ST6GAL1: variants seen among roughly 807,000 people sequenced by gnomAD.
The protein encoded by ST6GAL1 is ST6 beta-galactoside alpha-2,6-sialyltransferase 1, also known as beta-galactoside alpha-2,6-sialyltransferase 1.
Under a neutral mutation model 38.0 loss-of-function variants are expected in ST6GAL1, and 20 were observed. The observed-to-expected ratio is 0.53, with a 90% CI of 0.37 to 0.77. The LOEUF (loss-of-function observed/expected upper bound fraction) is 0.77, where lower values mean the gene tolerates loss of function less well. ST6GAL1 is among the 30% of genes least tolerant of loss of function. The pLI is 0.00. For synonymous variants in ST6GAL1, 196 were observed against 188.2 expected (o/e 1.04, Z -0.34); for missense variants, 432 against 496.4 (o/e 0.87, Z 1.23).
chr3:187,051,330 GC>G lies in ST6GAL1; in HGVS notation c.691del (p.Leu231Ter). The G allele has an allele frequency of 6.2e-7, 1 of 1,614,046 alleles. No homozygotes were observed. Among genetic ancestry groups the G allele is most frequent in the Non-Finnish European group, 8.5e-7 (1 of 1,179,940 alleles). ...GATGTGGGCACAAAAACTACCATTC[GC>G]CTGATGAACTCTCAGGTAAAATTTC... The part of the protein sequence containing the change: ...QQDVGTKTTI[R>X]LMNSQLVTTE... On this transcript the variant is annotated frameshift_variant, in exon 5 of 8. Coordinates refer to ENST00000169298, the MANE Select transcript of ST6GAL1 (RefSeq NM_173216.2). LOFTEE classifies it high-confidence loss of function.
chr3:187,040,743 C>A (rs1718096528), intron 3 of ST6GAL1, among the ~76,000 whole-genome samples: 1 of 152,172 alleles, frequency 6.6e-6, no homozygotes, highest in South Asian at 2.1e-4. Flanking sequence ...TCCTTAGTTT[C>A]TGGTAATACA....
At chr3:187,049,848 C>T (rs527905287) in intron 4 of ST6GAL1, among the ~76,000 whole-genome samples, 3 of 152,322 alleles carry the variant, frequency 2.0e-5, no homozygotes, top group South Asian at 4.1e-4. Context: ...TAATCCCTTT[C>T]GAACCAGTGA....
chr3:187,064,503 T>TC, intron 5 of ST6GAL1: 1 of 456,506 alleles, frequency 2.2e-6, no homozygotes, highest in Non-Finnish European at 4.4e-6. Flanking sequence ...CAGATTTTTT[T>TC]CCCATTACAC....
At chr3:186,985,619 A>G (rs1715889066) in intron 2 of ST6GAL1, among the ~76,000 whole-genome samples, 1 of 151,608 alleles carries the variant, frequency 6.6e-6, no homozygotes, top group Non-Finnish European at 1.5e-5. Flanking sequence ...AAAAAAAAAA[A>G]AAAAAATTAG....
chr3:186,975,558 T>C (rs976768104), intron 2 of ST6GAL1, among the ~76,000 whole-genome samples: 3 of 152,182 alleles, frequency 2.0e-5, no homozygotes, highest in African/African-American at 7.2e-5. Flanking sequence ...TCAACCAGTC[T>C]CCCTCTGCCT....
intron 5 of ST6GAL1, among the ~76,000 whole-genome samples, chr3:187,070,225 G>T (rs1719313823): frequency 6.6e-6 from 1 of 152,052 alleles, no homozygotes; most frequent in Non-Finnish European, 1.5e-5. Flanking sequence ...ATTTTAGGTT[G>T]CCATGTGCAA....
At chr3:186,946,235 C>G (rs1266831513) in intron 1 of ST6GAL1, among the ~76,000 whole-genome samples, 2 of 151,630 alleles carry the variant, frequency 1.3e-5, no homozygotes, top group Non-Finnish European at 2.9e-5. Flanking sequence ...GTGGCTTGAA[C>G]CCAGGAAGCG....
rs1020259753 is a variant in ST6GAL1, at chr3:187,075,138, T to C, written c.980-424T>C. 6.6e-6 allele frequency among the ~76,000 whole-genome samples: 1 copy of C among 152,150 alleles called. No homozygotes were observed. The highest frequency in any genetic ancestry group is 2.1e-4 in the South Asian group (1 of 4,824). On this transcript the variant is annotated intron_variant, in intron 7 of 7. Coordinates refer to ENST00000169298, the MANE Select transcript of ST6GAL1 (RefSeq NM_173216.2). This position sits in a 1 kb window ranked among gnomAD's most constrained non-coding sequence, Gnocchi z 4.1. Reference sequence around the variant, plus strand: ...AAAAATCTGCTCCCAAATAGCACCATCCAAGAGGTTCTGCAGGATGTCACA... The same window carrying C: ...AAAAATCTGCTCCCAAATAGCACCACCCAAGAGGTTCTGCAGGATGTCACA...
intron 2 of ST6GAL1, among the ~76,000 whole-genome samples, chr3:187,028,789 T>G (rs1434817655): frequency 2.0e-5 from 3 of 152,210 alleles, no homozygotes; most frequent in Non-Finnish European, 4.4e-5. Context: ...CCATAGGAAG[T>G]CCTACCTTCT....
At chr3:187,039,407 A>G (rs1718051114) in intron 3 of ST6GAL1, among the ~76,000 whole-genome samples, 1 of 152,232 alleles carries the variant, frequency 6.6e-6, no homozygotes, top group Admixed American at 6.5e-5. Flanking sequence ...AAAGGATACC[A>G]GGAGGAGTTT....
At chr3:187,008,260 A>G (rs1450540982) in intron 2 of ST6GAL1, among the ~76,000 whole-genome samples, 2 of 152,100 alleles carry the variant, frequency 1.3e-5, no homozygotes, top group Non-Finnish European at 2.9e-5. Flanking sequence ...CCAAGGATTA[A>G]AAAACATTAA....
chr3:187,070,331 G>T (rs1055623220), intron 5 of ST6GAL1, among the ~76,000 whole-genome samples: 4 of 151,630 alleles, frequency 2.6e-5, no homozygotes, highest in Non-Finnish European at 5.9e-5. Context: ...CACATTCAGG[G>T]GTTTGCACGT....
chr3:186,949,339 G>T (rs1293327608), intron 1 of ST6GAL1, among the ~76,000 whole-genome samples: 1 of 152,184 alleles, frequency 6.6e-6, no homozygotes, highest in Non-Finnish European at 1.5e-5. Context: ...CTCAGGGATT[G>T]CCTTTGTGGA....
chr3:186,938,656 A>G (rs10513808), intron 1 of ST6GAL1, among the ~76,000 whole-genome samples: 6,014 of 152,312 alleles, frequency 0.039, 193 homozygotes, highest in East Asian at 0.11. Flanking sequence ...AGAGAGAAAA[A>G]TGATCGTTCA....
chr3:187,059,811 C>G (rs1220723647), intron 5 of ST6GAL1, among the ~76,000 whole-genome samples: 1 of 152,190 alleles, frequency 6.6e-6, no homozygotes, highest in African/African-American at 2.4e-5. Context: ...GGCTCAGCCT[C>G]TGTTCTTATG....
rs1382180812 is a variant in ST6GAL1 at position 187,071,713 on chromosome 3, TCA to T, written c.706-1134_706-1133del. ...AGGCGGAGCCTGCAGTGAGCCGAGA[TCA>T]CGCCACTGCACTCCAGCCTGGGCGA... On this transcript the variant is annotated intron_variant, in intron 5 of 7. Coordinates refer to ENST00000169298, the MANE Select transcript of ST6GAL1 (RefSeq NM_173216.2). Among the ~76,000 whole-genome samples the T allele has an allele frequency of 3.5e-5, 5 of 143,512 alleles. No individual in the cohort carries two copies. The South Asian group carries it at 8.8e-4, about 25-fold the overall frequency. 94.1% of individuals were successfully genotyped at this position (143,512 alleles called of 152,430 possible).
intron 2 of ST6GAL1, among the ~76,000 whole-genome samples, chr3:186,984,657 C>T (rs13315150): frequency 0.28 from 42,118 of 151,740 alleles, 6,291 homozygotes; most frequent in Non-Finnish European, 0.34. Context: ...CCTCTGACTG[C>T]CCTTTGGAAA....
At chr3:186,963,301 T>G (rs1249593669) in intron 1 of ST6GAL1, among the ~76,000 whole-genome samples, 4 of 152,224 alleles carry the variant, frequency 2.6e-5, no homozygotes, top group Non-Finnish European at 5.9e-5. Flanking sequence ...CTTGGCTCAC[T>G]GCAACCTCCG....
At chr3:186,949,312 G>A (rs1222144632) in intron 1 of ST6GAL1, among the ~76,000 whole-genome samples, 1 of 152,210 alleles carries the variant, frequency 6.6e-6, no homozygotes, top group Non-Finnish European at 1.5e-5. Context: ...TGAGTTATCA[G>A]TTACCTAAGA....
Sources: gnomAD v4.1 joint callset for allele counts (sites outside exome capture counted in the v4.1 genomes callset) on GRCh38, gnomAD v4.1.1 for gene constraint, Gnocchi (gnomAD v3.1) non-coding constraint, MANE v1.5 for transcripts, NCBI Gene and HGNC (gene_info 2026-07-23, HGNC 2026-07-21) for gene names.